The following FARP1 variants were observed in gnomAD, a reference collection of about 807,000 sequenced individuals.
FARP1 encodes FERM, ARHGEF and pleckstrin domain-containing protein 1.
FARP1 carries 52 observed loss-of-function variants against 128.8 expected under a neutral mutation model. That is an observed-to-expected ratio of 0.40 (90% CI 0.32 to 0.51). FARP1 has a LOEUF of 0.51. Ranked by LOEUF, FARP1 falls within the 20% of genes least tolerant of loss-of-function variation. The pLI, the probability that FARP1 is intolerant of heterozygous loss-of-function variation, is 0.45. For synonymous variants in FARP1, 580 were observed against 551.8 expected (o/e 1.05, Z -0.72); for missense variants, 1,333 against 1,367.9 (o/e 0.97, Z 0.40).
rs375123144 is a variant in FARP1 at position 98,170,415 on chromosome 13, G to A, written c.-24+26923G>A. ...TCTGTCACCCAGGCTGGAGTGCAATGGCGCGATCTCGGCTCACTGCAGCCT... is the reference window on the plus strand; with the variant it reads ...TCTGTCACCCAGGCTGGAGTGCAATAGCGCGATCTCGGCTCACTGCAGCCT... On this transcript the variant is annotated intron_variant, in intron 1 of 26. Transcript: ENST00000319562. Among the ~76,000 whole-genome samples the A allele has an allele frequency of 6.6e-5, 10 of 152,262 alleles. No homozygotes were observed. The South Asian group carries it at 2.1e-3, about 32-fold the overall frequency.
intron 2 of FARP1, among the ~76,000 whole-genome samples, chr13:98,301,514 A>G (rs1385904355): frequency 6.6e-6 from 1 of 152,166 alleles, no homozygotes; most frequent in Non-Finnish European, 1.5e-5. Context: ...TTTTCCTGGC[A>G]GTGACTTAGG....
At chr13:98,365,580 C>T (rs1311925102) in intron 4 of FARP1, 143 bp downstream of exon 4, 6 of 530,840 alleles carry the variant, frequency 1.1e-5, no homozygotes, top group East Asian at 5.7e-5. Context: ...TCGACTAATC[C>T]GTGTACTATT....
At chr13:98,336,704 A>G (rs1475590994) in intron 2 of FARP1, among the ~76,000 whole-genome samples, 3 of 152,012 alleles carry the variant, frequency 2.0e-5, no homozygotes, top group African/African-American at 4.8e-5. Flanking sequence ...ATGAATGTAA[A>G]CCTCCTCCTA....
intron 2 of FARP1, among the ~76,000 whole-genome samples, chr13:98,312,228 C>T (rs1252589560): frequency 6.8e-6 from 1 of 146,726 alleles, no homozygotes; most frequent in Non-Finnish European, 1.5e-5. Context: ...GCAAGCTCCA[C>T]CTCCCGGGTT....
intron 10 of FARP1, 126 bp from the exon 11 acceptor site, chr13:98,390,686 G>A (rs1230217814): frequency 4.2e-6 from 3 of 708,468 alleles, no homozygotes; most frequent in African/African-American, 3.5e-5. Context: ...GTCCTGGCTA[G>A]CCAAGCAACC....
chr13:98,380,602 C>T (rs1024328321), intron 6 of FARP1, among the ~76,000 whole-genome samples: 1 of 151,740 alleles, frequency 6.6e-6, no homozygotes, highest in Admixed American at 6.6e-5. Context: ...TTTTTTTAGA[C>T]AGTCTCTGTC....
intron 3 of FARP1, among the ~76,000 whole-genome samples, chr13:98,356,541 T>C (rs1888650060): frequency 6.6e-6 from 1 of 152,120 alleles, no homozygotes; most frequent in Admixed American, 6.5e-5. Context: ...AAAATTGTTA[T>C]TAAGTGTATA....
At chr13:98,424,742 C>A in intron 17 of FARP1, 92 bp downstream of exon 17, 1 of 844,768 alleles carries the variant, frequency 1.2e-6, no homozygotes. Context: ...TTTCCATCAG[C>A]ATGCATCACC....
chr13:98,358,384 C>G (rs1223055321), intron 3 of FARP1, among the ~76,000 whole-genome samples: 2 of 151,976 alleles, frequency 1.3e-5, no homozygotes, highest in Admixed American at 6.6e-5. Context: ...CTTGGTGTAC[C>G]ATGTTTTCAG....
At chr13:98,159,966 G>A (rs917604825) in intron 1 of FARP1, among the ~76,000 whole-genome samples, 6 of 152,188 alleles carry the variant, frequency 3.9e-5, no homozygotes, top group African/African-American at 1.4e-4. Flanking sequence ...CGGCATTGTA[G>A]TACAATTTTG....
intron 1 of FARP1, among the ~76,000 whole-genome samples, chr13:98,174,379 A>G (rs2139174206): frequency 6.6e-6 from 1 of 152,350 alleles, no homozygotes; most frequent in Middle Eastern, 3.4e-3. Context: ...GAAGCATTGT[A>G]AAGAAACTCG....
intron 2 of FARP1, among the ~76,000 whole-genome samples, chr13:98,243,226 T>TTTGG (rs1196179087): frequency 6.6e-6 from 1 of 152,162 alleles, no homozygotes; most frequent in African/African-American, 2.4e-5. Flanking sequence ...AGATTTGGGC[T>TTTGG]TTGGTTTTGA....
chr13:98,277,275 C>G (rs932908708), intron 2 of FARP1, among the ~76,000 whole-genome samples: 2 of 152,072 alleles, frequency 1.3e-5, no homozygotes, highest in African/African-American at 4.8e-5. Flanking sequence ...GCCATGGCCT[C>G]GCGTGTAGCT....
intron 2 of FARP1, among the ~76,000 whole-genome samples, chr13:98,231,710 G>A (rs1882124834): frequency 6.6e-6 from 1 of 152,038 alleles, no homozygotes; most frequent in African/African-American, 2.4e-5. Flanking sequence ...AAGTGTTGGT[G>A]AGCCACCACA....
chr13:98,263,991 T>G (rs1277262437), intron 2 of FARP1, among the ~76,000 whole-genome samples: 1 of 152,214 alleles, frequency 6.6e-6, no homozygotes, highest in Non-Finnish European at 1.5e-5. Context: ...ACAAATCACC[T>G]TCCATTGTCA....
chr13:98,232,699 T>G (rs9554454), intron 2 of FARP1, among the ~76,000 whole-genome samples: 26,348 of 152,186 alleles, frequency 0.17, 5,651 homozygotes, highest in East Asian at 0.51. Context: ...ACCAAAAAAT[T>G]TGTGTGACTC....
At chr13:98,152,490 G>A (rs1876084367) in intron 1 of FARP1, among the ~76,000 whole-genome samples, 1 of 152,208 alleles carries the variant, frequency 6.6e-6, no homozygotes, top group Non-Finnish European at 1.5e-5. Context: ...ACCTGAAGCA[G>A]GCAAGAGGGT....
At chr13:98,310,065 C>T (rs1382798348) in intron 2 of FARP1, among the ~76,000 whole-genome samples, 7 of 132,100 alleles carry the variant, frequency 5.3e-5, no homozygotes, top group Admixed American at 3.3e-4. Context: ...TTTTGTTCCA[C>T]TTAATAGATT....
chr13:98,258,359 C>A (rs1286105766), intron 2 of FARP1, among the ~76,000 whole-genome samples: 2 of 152,096 alleles, frequency 1.3e-5, no homozygotes, highest in Non-Finnish European at 2.9e-5. Flanking sequence ...TTCCAGACTC[C>A]CTGTACTTTT....
Sources: allele counts gnomAD v4.1 joint callset (sites outside exome capture counted in the v4.1 genomes callset), GRCh38; gene constraint gnomAD v4.1.1; transcripts MANE v1.5; gene names NCBI Gene and HGNC (gene_info 2026-07-23, HGNC 2026-07-21).